PARP12: variants seen among roughly 807,000 people sequenced by gnomAD.
The protein encoded by PARP12 is poly(ADP-ribose) polymerase family member 12.
PARP12 carries 59 observed loss-of-function variants against 72.4 expected under a neutral mutation model. That is an observed-to-expected ratio of 0.81 (90% CI 0.66 to 1.01). The LOEUF (loss-of-function observed/expected upper bound fraction) is 1.01, where lower values mean the gene tolerates loss of function less well. Ranked by LOEUF, PARP12 falls within the 50% of genes least tolerant of loss-of-function variation. The pLI, the probability that PARP12 is intolerant of heterozygous loss-of-function variation, is 0.00. For missense variants in PARP12, 851 were observed against 914.0 expected (o/e 0.93, Z 0.89); for synonymous variants, 403 against 371.4 (o/e 1.09, Z -0.98).
At chr7:140,040,342 C>T (rs894703352) in intron 6 of PARP12, among the ~76,000 whole-genome samples, 1 of 152,100 alleles carries the variant, frequency 6.6e-6, no homozygotes, top group Non-Finnish European at 1.5e-5. Context: ...GGGAGGGAGA[C>T]AGGTGGGAAA....
Position 140,024,571 on chromosome 7 carries a change from T to C in PARP12, c.2095A>G (p.Ser699Gly). 6.2e-7 allele frequency: 1 copy of C among 1,614,154 alleles called. No homozygotes were observed. Among genetic ancestry groups the C allele is most frequent in the Non-Finnish European group, 8.5e-7 (1 of 1,180,022 alleles). The part of the protein sequence containing the change: ...ILLALGSLFS[S>G]RQ ...ACACTCCTGTGCGCTCACTGTCGGC[T>C]GCTGAACAGGGAGCCCAAGGCCAGC... The change falls in exon 12 of 12, where the codon AGC (serine) becomes GGC (glycine). Residue 699 changes from serine to glycine, a missense_variant. By Grantham distance (56) the Ser-to-Gly change is moderately conservative. Transcript: ENST00000263549.
At chr7:140,031,727 TAA>T (rs1330004152) in intron 8 of PARP12, among the ~76,000 whole-genome samples, 1 of 150,416 alleles carries the variant, frequency 6.6e-6, no homozygotes, top group African/African-American at 2.5e-5. Context: ...CCCTAAAAAC[TAA>T]ATTAGAATAA....
intron 7 of PARP12, among the ~76,000 whole-genome samples, chr7:140,035,203 T>G (rs1434120719): frequency 6.6e-6 from 1 of 152,200 alleles, no homozygotes; most frequent in African/African-American, 2.4e-5. Flanking sequence ...GCTGAGATGG[T>G]CACTATTCCT....
At chr7:140,059,033 C>T (rs1054591425) in intron 1 of PARP12, among the ~76,000 whole-genome samples, 1 of 150,440 alleles carries the variant, frequency 6.6e-6, no homozygotes, top group Non-Finnish European at 1.5e-5. Flanking sequence ...AGGCGGAGGC[C>T]GTGGTGAGCC....
In PARP12 at chr7:140,024,542, TG is replaced by T; in HGVS notation, c.*17del. The T allele has an allele frequency of 1.2e-6, 2 of 1,613,680 alleles. No homozygotes were observed. The highest frequency in any genetic ancestry group is 1.6e-4 in the Middle Eastern group (1 of 6,062). ...TTCAAGGCAGAGCAGGTGAAAGGCC[TG>T]GAACACTCCTGTGCGCTCACTGTCG... is the stretch of plus-strand genomic sequence containing the variant. On this transcript the variant is annotated 3_prime_UTR_variant, in exon 12 of 12. Transcript: ENST00000263549.
intron 4 of PARP12, among the ~76,000 whole-genome samples, chr7:140,047,895 T>C (rs1816799264): frequency 6.6e-6 from 1 of 152,316 alleles, no homozygotes; most frequent in Non-Finnish European, 1.5e-5. Context: ...GGATTACAAG[T>C]GTGAGCCACC....
intron 5 of PARP12, among the ~76,000 whole-genome samples, chr7:140,044,168 T>C (rs1816615484): frequency 6.6e-6 from 1 of 152,056 alleles, no homozygotes; most frequent in Non-Finnish European, 1.5e-5. Context: ...TGACAAGATA[T>C]TAAAAACAGC....
intron 6 of PARP12, among the ~76,000 whole-genome samples, chr7:140,040,686 T>C (rs772477038): frequency 6.6e-6 from 1 of 152,210 alleles, no homozygotes; most frequent in Non-Finnish European, 1.5e-5. Flanking sequence ...AGCTTCAATA[T>C]AGCCTCTTGA....
chr7:140,037,680 C>T, intron 7 of PARP12, 35 bp downstream of exon 7: 1 of 1,607,858 alleles, frequency 6.2e-7, no homozygotes. Flanking sequence ...CCAACACAGG[C>T]AGGCTCTGCT....
chr7:140,025,736 T>C (rs1815714353), intron 11 of PARP12, among the ~76,000 whole-genome samples: 1 of 152,222 alleles, frequency 6.6e-6, no homozygotes, highest in South Asian at 2.1e-4. Flanking sequence ...AAATAGTATT[T>C]TAAAATTTTC....
At chr7:140,039,843 A>T (rs1030405279) in intron 6 of PARP12, among the ~76,000 whole-genome samples, 1 of 152,304 alleles carries the variant, frequency 6.6e-6, no homozygotes, top group Admixed American at 6.5e-5. Context: ...AGCACGTGGC[A>T]TATCAATAAC....
chr7:140,027,277 A>T lies in PARP12; in HGVS notation c.1627T>A (p.Trp543Arg). 6.2e-7 allele frequency: 1 copy of T among 1,613,486 alleles called. No individual in the cohort carries two copies. ...CACCAAGAGCGAGCCCCAACGCACCACTGGTAGACTTCCCAGAGGGCCAGG... is the reference window on the plus strand; with the variant it reads ...CACCAAGAGCGAGCCCCAACGCACCTCTGGTAGACTTCCCAGAGGGCCAGG... ...QNLALWEVYQ[W>R]QKGQMQKQNG... Residue 543 changes from tryptophan (W) to arginine (R), a missense_variant and splice_region_variant, in exon 10 of 12, where the codon TGG (tryptophan) becomes AGG (arginine). Trp to Arg is a moderately radical substitution (Grantham distance 101). Coordinates refer to ENST00000263549, the MANE Select transcript of PARP12 (RefSeq NM_022750.4).
intron 7 of PARP12, among the ~76,000 whole-genome samples, chr7:140,035,977 G>C (rs1355743816): frequency 0.019 from 1,367 of 70,646 alleles, 296 homozygotes; most frequent in African/African-American, 0.061. Context: ...AGGACGAGGA[G>C]GAGGAGGAGG....
In PARP12 at chr7:140,041,820, C is replaced by T; in HGVS notation, c.1006G>A (p.Ala336Thr). The change falls in exon 6 of 12, where the codon GCC becomes ACC. Residue 336 changes from alanine (A) to threonine (T), a missense_variant. Ala to Thr is a moderately conservative substitution (Grantham distance 58). Around this residue, in one of 3 missense-constraint regions of PARP12, gnomAD observed 492 missense variants for 489.3 expected, o/e 1.01. Transcript: ENST00000263549. The stretch of plus-strand genomic sequence containing the variant: ...AGACAATGAGAGTGAAAGGTACTGG[C>T]TGACTCAGAGCACAGGATCCTACAG... The part of the protein sequence containing the change: ...KIERILCSES[A>T]STFHSHCLNF... The T allele has an allele frequency of 6.2e-7, 1 of 1,613,824 alleles. No individual in the cohort carries two copies. The highest frequency in any genetic ancestry group is 8.5e-7 in the Non-Finnish European group (1 of 1,179,830).
At position 140,054,714 on chromosome 7, in the gene PARP12, C is replaced by G; in HGVS notation, c.810G>C (p.Glu270Asp). ...GGTACAAACAGATCTGATCACCCTC[C>G]TCCTGGCTAAGAGTGTTTGGGGACA... The part of the protein sequence containing the change: ...GSVSPNTLSQ[E>D]EGDQICLYHI... The change falls in exon 4 of 12, where the codon GAG becomes GAC. Residue 270 changes from glutamate (E) to aspartate (D), a missense_variant. Coordinates refer to ENST00000263549, the MANE Select transcript of PARP12 (RefSeq NM_022750.4). 6.2e-7 allele frequency: 1 copy of G among 1,614,194 alleles called. No homozygotes were observed. The highest frequency in any genetic ancestry group is 2.2e-5 in the East Asian group (1 of 44,878).
chr7:140,038,233 T>A lies in PARP12; in HGVS notation c.1183-377A>T. The A allele has an allele frequency of 3.0e-6, 3 of 985,422 alleles. No homozygotes were observed. In the South Asian group the frequency reaches 1.4e-4, roughly 46 times the overall value. 61.0% of individuals were successfully genotyped at this position (985,422 alleles called of 1,614,324 possible). ...GACTGGGCAGCCCAAGCCAGGCTGGTCTTACCCGTCTATTCACGTTGCAAC... is the reference window on the plus strand; with the variant it reads ...GACTGGGCAGCCCAAGCCAGGCTGGACTTACCCGTCTATTCACGTTGCAAC... On this transcript the variant is annotated intron_variant, in intron 6 of 11. Coordinates refer to ENST00000263549, the MANE Select transcript of PARP12 (RefSeq NM_022750.4).
chr7:140,062,296 T>TC lies in PARP12; in HGVS notation c.326+225dup, dbSNP rs942111984. ...ACCATGCTCTATGTAAATCACTCTC[T>TC]CCCCCCAGGCGTCTAGAGGACCCCA... On this transcript the variant is annotated intron_variant, in intron 1 of 11. Transcript: ENST00000263549. Among the ~76,000 whole-genome samples the TC allele has an allele frequency of 2.8e-4, 41 of 145,750 alleles. 2 individuals carry two copies. The highest frequency in any genetic ancestry group is 9.8e-4 in the African/African-American group (39 of 39,856).
chr7:140,028,308 TTTATTGG>T (rs1815814018), intron 9 of PARP12, among the ~76,000 whole-genome samples: 1 of 152,158 alleles, frequency 6.6e-6, no homozygotes, highest in South Asian at 2.1e-4. Flanking sequence ...AAAATTGGTA[TTTATTGG>T]TTAAGCCCAG....
intron 5 of PARP12, among the ~76,000 whole-genome samples, chr7:140,046,229 C>A (rs1318149761): frequency 6.6e-6 from 1 of 152,180 alleles, no homozygotes; most frequent in Non-Finnish European, 1.5e-5. Flanking sequence ...GCAATTTGCA[C>A]GTAATTGTAC....
Sources: allele counts gnomAD v4.1 joint callset (sites outside exome capture counted in the v4.1 genomes callset), GRCh38; gene constraint gnomAD v4.1.1; regional missense constraint gnomAD v4.1.1; transcripts MANE v1.5; gene names NCBI Gene and HGNC (gene_info 2026-07-23, HGNC 2026-07-21).